The following GABBR2 variants were observed in gnomAD, a reference collection of about 807,000 sequenced individuals.
GABBR2 encodes gamma-aminobutyric acid type B receptor subunit 2, also known as G-protein coupled receptor 51.
Under a neutral mutation model 105.6 loss-of-function variants are expected in GABBR2, and 23 were observed. The observed-to-expected ratio is 0.22, with a 90% confidence interval of 0.16 to 0.31. The LOEUF (loss-of-function observed/expected upper bound fraction) is 0.31, where lower values mean the gene tolerates loss of function less well. Ranked by LOEUF, GABBR2 falls within the 10% of genes least tolerant of loss-of-function variation. The pLI, the probability that GABBR2 is intolerant of heterozygous loss-of-function variation, is 1.00. For missense variants in GABBR2, 734 were observed against 1,245.5 expected (o/e 0.59, Z 6.18); for synonymous variants, 478 against 499.7 (o/e 0.96, Z 0.58).
At chr9:98,590,575 G>C (rs917677366) in intron 1 of GABBR2, among the ~76,000 whole-genome samples, 1 of 152,212 alleles carries the variant, frequency 6.6e-6, no homozygotes, top group African/African-American at 2.4e-5. Context: ...AAGTGTACTC[G>C]GGCTGCCGAT....
rs551099298 is a variant in GABBR2 at position 98,400,243 on chromosome 9, C to T, written c.1297+5838G>A. On this transcript the variant is annotated intron_variant, in intron 8 of 18. Transcript: ENST00000259455. Reference sequence around the variant, plus strand: ...AAGAAAAAAGATCAAAGGATCAGAACAGACAATTAACAAATGACTAATAAG... The same window carrying T: ...AAGAAAAAAGATCAAAGGATCAGAATAGACAATTAACAAATGACTAATAAG... 1.7e-3 allele frequency among the ~76,000 whole-genome samples: 247 copies of T among 148,808 alleles called. 1 individual carries two copies. Among genetic ancestry groups the T allele is most frequent in the Non-Finnish European group, 2.7e-3 (179 of 67,172 alleles).
At chr9:98,299,442 G>T in intron 16 of GABBR2, 89 bp from the exon 17 acceptor site, 1 of 1,430,796 alleles carries the variant, frequency 7.0e-7, no homozygotes, top group Non-Finnish European at 9.7e-7. Flanking sequence ...CACAGGGCTG[G>T]GCCTTTACCT....
chr9:98,650,935 G>T (rs931660137), intron 1 of GABBR2, among the ~76,000 whole-genome samples: 1 of 152,180 alleles, frequency 6.6e-6, no homozygotes, highest in Non-Finnish European at 1.5e-5. Context: ...ATGGGGAGTT[G>T]TTTAATGAGT....
intron 2 of GABBR2, among the ~76,000 whole-genome samples, chr9:98,556,712 G>C (rs187494601): frequency 6.6e-6 from 1 of 152,284 alleles, no homozygotes; most frequent in East Asian, 1.9e-4. Context: ...AAAATGGGGA[G>C]AATAAGTCCT....
intron 1 of GABBR2, among the ~76,000 whole-genome samples, chr9:98,597,809 T>TTTTTA (rs1463494014): frequency 6.6e-6 from 1 of 152,070 alleles, no homozygotes; most frequent in Non-Finnish European, 1.5e-5. Context: ...AAGTAAGCTC[T>TTTTTA]TTTTATTTTA....
chr9:98,497,141 C>T (rs1193927561), intron 3 of GABBR2, among the ~76,000 whole-genome samples: 1 of 152,196 alleles, frequency 6.6e-6, no homozygotes. Flanking sequence ...TGGGCTCACA[C>T]CTGTAATCCC....
chr9:98,428,007 G>A (rs979629531), intron 7 of GABBR2, among the ~76,000 whole-genome samples: 4 of 152,178 alleles, frequency 2.6e-5, no homozygotes, highest in Non-Finnish European at 4.4e-5. Flanking sequence ...AGTCACTCCT[G>A]AATTCCTAAC....
At chr9:98,398,059 G>C (rs934014809) in intron 8 of GABBR2, among the ~76,000 whole-genome samples, 2 of 152,126 alleles carry the variant, frequency 1.3e-5, no homozygotes, top group Non-Finnish European at 2.9e-5. Flanking sequence ...GTGCAAACAA[G>C]GTCAACCGGT....
intron 3 of GABBR2, among the ~76,000 whole-genome samples, chr9:98,527,235 C>T (rs2131721551): frequency 6.6e-6 from 1 of 151,838 alleles, no homozygotes; most frequent in South Asian, 2.1e-4. Flanking sequence ...TAGCATTTCC[C>T]CATTATCAGG....
At position 98,343,889 on chromosome 9, in the gene GABBR2, A is replaced by G. The variant is rs79206093; in HGVS notation, c.1893+18826T>C. On this transcript the variant is annotated intron_variant, in intron 13 of 18. Transcript: ENST00000259455. ...AAAAAGAAAAAAAGAAAAAAATCCC[A>G]TATGGAGGTGTGTGCATATACTCAC... Among the ~76,000 whole-genome samples the G allele has an allele frequency of 1.0e-2, 1,515 of 152,194 alleles. 29 individuals carry two copies. The highest frequency in any genetic ancestry group is 0.034 in the African/African-American group (1,430 of 41,518).
rs151261350 is a variant in GABBR2 at position 98,705,634 on chromosome 9, AAACACTCT to A, written c.321+2775_321+2782del. On this transcript the variant is annotated intron_variant, in intron 1 of 18. Transcript: ENST00000259455. ...AGCCAATCTGAATAAACTAGACCCT[AAACACTCT>A]AACACTAGCCACAAACATTCTTTAG... Among the ~76,000 whole-genome samples, 376 of 152,374 alleles carry A rather than the reference AAACACTCT, an allele frequency of 2.5e-3. 7 individuals carry two copies. The East Asian group carries it at 0.036, about 15-fold the overall frequency.
intron 2 of GABBR2, among the ~76,000 whole-genome samples, chr9:98,544,426 G>A (rs149072189): frequency 3.3e-5 from 5 of 152,228 alleles, no homozygotes; most frequent in East Asian, 1.9e-4. Flanking sequence ...CAGAGCCCCC[G>A]TAGAAACCAT....
rs373449041 is a variant in GABBR2, at chr9:98,587,508, A to C, written c.322-9436T>G. On this transcript the variant is annotated intron_variant, in intron 1 of 18. Transcript: ENST00000259455. ...TCCAGCCAACCAAAAGATGAATCAA[A>C]AATATAAATCTCAGGAATGGAGGAG... Among the ~76,000 whole-genome samples the C allele has an allele frequency of 1.8e-4, 28 of 152,362 alleles. 2 individuals carry two copies. In the East Asian group the frequency reaches 3.1e-3, roughly 17 times the overall value.
chr9:98,612,794 C>G (rs903446982), intron 1 of GABBR2, among the ~76,000 whole-genome samples: 1 of 152,298 alleles, frequency 6.6e-6, no homozygotes, highest in East Asian at 1.9e-4. Flanking sequence ...GCAATACAGA[C>G]AGAGGTGCCT....
chr9:98,395,048 T>C (rs1832262396), intron 8 of GABBR2, among the ~76,000 whole-genome samples: 1 of 152,230 alleles, frequency 6.6e-6, no homozygotes, highest in Non-Finnish European at 1.5e-5. Context: ...TCAACCTTCT[T>C]ACAGTTCTTG....
chr9:98,609,945 G>A (rs1829481459), intron 1 of GABBR2, among the ~76,000 whole-genome samples: 1 of 152,198 alleles, frequency 6.6e-6, no homozygotes. Context: ...GGGCAGAGGG[G>A]CCATGGCCAA....
At chr9:98,564,603 GCA>G (rs1379472313) in intron 2 of GABBR2, among the ~76,000 whole-genome samples, 2 of 152,226 alleles carry the variant, frequency 1.3e-5, no homozygotes, top group Non-Finnish European at 2.9e-5. Context: ...GTTAATTTAT[GCA>G]CAGTGTTTAG....
intron 7 of GABBR2, among the ~76,000 whole-genome samples, chr9:98,447,910 G>A (rs1339457919): frequency 6.6e-6 from 1 of 151,976 alleles, no homozygotes; most frequent in African/African-American, 2.4e-5. Context: ...ACTTTAAGGG[G>A]TATACTGGCT....
intron 6 of GABBR2, among the ~76,000 whole-genome samples, chr9:98,470,463 C>T (rs574785065): frequency 6.6e-6 from 1 of 152,134 alleles, no homozygotes; most frequent in Non-Finnish European, 1.5e-5. Flanking sequence ...TTATTCTCTA[C>T]CACAAGAACA....
Sources: gnomAD v4.1 joint callset for allele counts (sites outside exome capture counted in the v4.1 genomes callset) on GRCh38, gnomAD v4.1.1 for gene constraint, MANE v1.5 for transcripts, NCBI Gene and HGNC (gene_info 2026-07-23, HGNC 2026-07-21) for gene names.